Variants in MYOM3 observed in about 807,000 individuals in gnomAD.
MYOM3 encodes myomesin 3, also known as myomesin-3.
In MYOM3, 155 loss-of-function variants were observed where a neutral mutation model predicts 191.7. The ratio of observed to expected loss-of-function variants is 0.81; its 90% CI spans 0.71 to 0.92. MYOM3 has a LOEUF of 0.92. MYOM3 is among the 40% of genes least tolerant of loss of function. The pLI is 0.00. For missense variants in MYOM3, 1,889 were observed against 1,890.6 expected (o/e 1.00, Z 0.02); for synonymous variants, 757 against 762.9 (o/e 0.99, Z 0.13).
rs1643938464 is a variant in MYOM3, at chr1:24,101,764, T to C, written c.561-1989A>G. Among the ~76,000 whole-genome samples the C allele has an allele frequency of 2.0e-5, 3 of 152,072 alleles. No individual in the cohort carries two copies. In the South Asian group the frequency reaches 6.2e-4, roughly 32 times the overall value. On this transcript the variant is annotated intron_variant, in intron 5 of 36. Transcript: ENST00000374434. ...AAGACCCTGTCTCAAAAAAAAAATTTGTTTTTCTTAATGTCCTCTGGTGAT... is the reference window on the plus strand; with the variant it reads ...AAGACCCTGTCTCAAAAAAAAAATTCGTTTTTCTTAATGTCCTCTGGTGAT...
chr1:24,065,134 C>A (rs761760975), intron 29 of MYOM3, among the ~76,000 whole-genome samples: 24 of 152,310 alleles, frequency 1.6e-4, no homozygotes, highest in Admixed American at 1.5e-3. Context: ...CTTTGAAGCA[C>A]CTACTGGTGC....
chr1:24,098,746 C>G (rs939448941), intron 6 of MYOM3, among the ~76,000 whole-genome samples: 1 of 152,214 alleles, frequency 6.6e-6, no homozygotes, highest in African/African-American at 2.4e-5. Context: ...GTCCATGGGG[C>G]ACCTCCCTTA....
In MYOM3 at chr1:24,057,471, C is replaced by A. The variant is rs773501383; in HGVS notation, c.4207G>T (p.Gly1403Cys). 3.7e-6 allele frequency: 6 copies of A among 1,614,252 alleles called. No homozygotes were observed. Among genetic ancestry groups the A allele is most frequent in the Non-Finnish European group, 4.2e-6 (5 of 1,180,044 alleles). Residue 1403 changes from glycine (G) to cysteine (C), a missense_variant, in exon 37 of 37, where the codon GGC (glycine) becomes TGC (cysteine). Coordinates refer to ENST00000374434, the MANE Select transcript of MYOM3 (RefSeq NM_152372.4). ...TIEKVNSEDS[G>C]RYGVFVKNKY... is the part of the protein sequence containing the mutation. ...TTCTTGACGAAGACGCCGTAGCGGC[C>A]GCTGTCTTCACTGTTGACCTTCTCA...
intron 24 of MYOM3, 130 bp from the exon 25 acceptor site, chr1:24,071,383 A>G (rs2148546114): frequency 1.8e-6 from 2 of 1,094,680 alleles, no homozygotes; most frequent in East Asian, 5.3e-5. Context: ...AGGAGACTGT[A>G]CTGGGTGGGG....
At chr1:24,100,481 G>A (rs532384163) in intron 5 of MYOM3, among the ~76,000 whole-genome samples, 2 of 152,062 alleles carry the variant, frequency 1.3e-5, no homozygotes, top group African/African-American at 2.4e-5. Flanking sequence ...CCTTCCCTCC[G>A]AAGGGGCTTG....
At chr1:24,084,835 A>G (rs1246383940) in intron 15 of MYOM3, among the ~76,000 whole-genome samples, 196 bp from the exon 16 acceptor site, 1 of 152,036 alleles carries the variant, frequency 6.6e-6, no homozygotes, top group African/African-American at 2.4e-5. Flanking sequence ...CTCTCCCCTT[A>G]CCTCTGAGCA....
intron 23 of MYOM3, among the ~76,000 whole-genome samples, chr1:24,072,863 C>T (rs1013468083): frequency 3.3e-5 from 5 of 152,164 alleles, no homozygotes; most frequent in African/African-American, 9.6e-5. Context: ...GTTGCCTTTC[C>T]TGCTAAGGCG....
chr1:24,085,719 C>T (rs991064265), intron 15 of MYOM3, among the ~76,000 whole-genome samples: 1 of 152,186 alleles, frequency 6.6e-6, no homozygotes. Context: ...AGACTGCCCA[C>T]ATCTGATGAC....
rs1184955187 is a variant in MYOM3, at chr1:24,068,236, T to C, written c.3282A>G (p.Thr1094=). 2 of 1,612,610 alleles carry C rather than the reference T, an allele frequency of 1.2e-6. No individual in the cohort carries two copies. The highest frequency in any genetic ancestry group is 1.4e-5 in the African/African-American group (1 of 73,708). ...DGKAKNQITL[T]LVDDDFDKLL... ...GGCATGGCTGACCGTCATCCACCAG[T>C]GTCAAGGTAATCTGGTTTTTGGCTT... Residue 1094 remains threonine, a synonymous_variant, in exon 26 of 37, where the codon ACA becomes ACG. Transcript: ENST00000374434.
In MYOM3 at chr1:24,082,806, C is replaced by G. The variant is rs543098745; in HGVS notation, c.1971-92G>C. On this transcript the variant is annotated intron_variant, in intron 16 of 36. Coordinates refer to ENST00000374434, the MANE Select transcript of MYOM3 (RefSeq NM_152372.4). The stretch of plus-strand genomic sequence containing the variant: ...AACAACTTTGTGGAATAAGTGGTCA[C>G]CAGCGTGGTAGAATTTGAAGGTTCA... 6 of 1,435,372 alleles carry G rather than the reference C, an allele frequency of 4.2e-6. No individual in the cohort carries two copies. In the South Asian group the frequency reaches 9.0e-5, roughly 22 times the overall value. 88.9% of individuals were successfully genotyped at this position (1,435,372 alleles called of 1,614,324 possible). A position where few individuals can be genotyped will look rare whatever the true frequency, so the allele number is the denominator to read the frequency against.
rs915669572 is a variant in MYOM3, at chr1:24,111,271, T to A, written c.-19+760A>T. On this transcript the variant is annotated intron_variant, in intron 1 of 36. Coordinates refer to ENST00000374434, the MANE Select transcript of MYOM3 (RefSeq NM_152372.4). The surrounding 1 kb of genome is among the most constrained non-coding windows in gnomAD (Gnocchi z 4.7). ...CACTGCGTGGCCTTCCCTATTCCCC[T>A]CTGCTTTCCTCCCAAGCCTCCATCT... Among the ~76,000 whole-genome samples, 1 of 152,192 alleles carries A rather than the reference T, an allele frequency of 6.6e-6. No homozygotes were observed. The highest frequency in any genetic ancestry group is 1.5e-5 in the Non-Finnish European group (1 of 68,026).
chr1:24,095,413 C>T (rs756717743), intron 8 of MYOM3, 29 bp downstream of exon 8: 1 of 1,603,722 alleles, frequency 6.2e-7, no homozygotes, highest in Non-Finnish European at 8.5e-7. Context: ...CAAAGAATCC[C>T]AGGTCCCGTT....
intron 36 of MYOM3, 134 bp from the exon 37 acceptor site, chr1:24,057,761 T>A: frequency 1.5e-6 from 1 of 673,984 alleles, no homozygotes; most frequent in Non-Finnish European, 2.5e-6. Context: ...TTATTATAAT[T>A]TATAAAGGGG....
intron 19 of MYOM3, among the ~76,000 whole-genome samples, chr1:24,080,398 T>C (rs1643652828): frequency 6.6e-6 from 1 of 152,116 alleles, no homozygotes; most frequent in Non-Finnish European, 1.5e-5. Context: ...GAAACCACGG[T>C]TAACTTTTCA....
At chr1:24,081,236 A>G in intron 19 of MYOM3, 94 bp downstream of exon 19, 1 of 1,502,636 alleles carries the variant, frequency 6.7e-7, no homozygotes, top group African/African-American at 1.4e-5. Context: ...GCAAGCCTGA[A>G]TGCATAGAGG....
At chr1:24,064,933 C>T (rs530491907) in intron 29 of MYOM3, among the ~76,000 whole-genome samples, 1 of 152,330 alleles carries the variant, frequency 6.6e-6, no homozygotes, top group East Asian at 1.9e-4. Context: ...GGAGTGGCTT[C>T]TGACCCCACC....
At chr1:24,083,021 C>T (rs1340704643) in intron 16 of MYOM3, 1 of 230,972 alleles carries the variant, frequency 4.3e-6, no homozygotes, top group African/African-American at 2.3e-5. Flanking sequence ...CCACATGGTA[C>T]ATCTTCAAGA....
At chr1:24,086,896 A>C in intron 14 of MYOM3, 69 bp from the exon 15 acceptor site, 1 of 1,486,446 alleles carries the variant, frequency 6.7e-7, no homozygotes, top group Non-Finnish European at 9.3e-7. Context: ...GTCACCTCCC[A>C]TGATCTCTGT....
chr1:24,094,274 C>T (rs576467098), intron 9 of MYOM3, among the ~76,000 whole-genome samples: 35 of 150,886 alleles, frequency 2.3e-4, no homozygotes, highest in Admixed American at 7.3e-4. Context: ...TGGGTTCAAG[C>T]GATTCTCCTG....
Sources: allele counts gnomAD v4.1 joint callset (sites outside exome capture counted in the v4.1 genomes callset), GRCh38; gene constraint gnomAD v4.1.1; non-coding constraint Gnocchi (gnomAD v3.1); transcripts MANE v1.5; gene names NCBI Gene and HGNC (gene_info 2026-07-23, HGNC 2026-07-21).